The following BTBD9 variants were observed in gnomAD, a reference collection of about 807,000 sequenced individuals.
BTBD9 encodes BTB domain containing 9.
BTBD9 carries 49 observed loss-of-function variants against 64.3 expected under a neutral mutation model. That is an observed-to-expected ratio of 0.76 (90% confidence interval 0.61 to 0.97). The LOEUF (loss-of-function observed/expected upper bound fraction) is 0.97, where lower values mean the gene tolerates loss of function less well. Among genes scored for constraint, BTBD9 ranks in the 50% least tolerant of loss-of-function variants. The pLI is 0.00. For missense variants in BTBD9, 598 were observed against 762.1 expected (o/e 0.78, Z 2.53); for synonymous variants, 260 against 274.7 (o/e 0.95, Z 0.53).
At chr6:38,315,312 T>C (rs1429523476) in intron 7 of BTBD9, among the ~76,000 whole-genome samples, 1 of 152,236 alleles carries the variant, frequency 6.6e-6, no homozygotes, top group Non-Finnish European at 1.5e-5. Flanking sequence ...CTCTCTTTTC[T>C]TCTACGAACT....
chr6:38,549,568 G>A (rs1050495720), intron 6 of BTBD9, among the ~76,000 whole-genome samples: 1 of 151,870 alleles, frequency 6.6e-6, no homozygotes, highest in Non-Finnish European at 1.5e-5. Flanking sequence ...AATCCAAAAT[G>A]ACAGCTGTCA....
chr6:38,459,750 G>A (rs1769988167), intron 6 of BTBD9, among the ~76,000 whole-genome samples: 1 of 152,098 alleles, frequency 6.6e-6, no homozygotes, highest in Non-Finnish European at 1.5e-5. Flanking sequence ...TAAAAATTAT[G>A]TTCATAATTT....
intron 6 of BTBD9, among the ~76,000 whole-genome samples, chr6:38,493,384 G>A (rs1014642814): frequency 3.3e-5 from 5 of 152,274 alleles, no homozygotes; most frequent in African/African-American, 1.2e-4. Flanking sequence ...GATAGTGGAT[G>A]GCAACAATAT....
chr6:38,275,051 G>C (rs1765333105), intron 8 of BTBD9, among the ~76,000 whole-genome samples: 2 of 152,174 alleles, frequency 1.3e-5, no homozygotes, highest in African/African-American at 4.8e-5. Flanking sequence ...TCAATCCTAA[G>C]CCAAAAGAAC....
At chr6:38,421,023 C>T (rs1478404769) in intron 6 of BTBD9, among the ~76,000 whole-genome samples, 3 of 151,790 alleles carry the variant, frequency 2.0e-5, no homozygotes, top group Admixed American at 2.0e-4. Flanking sequence ...TTTTAAGATC[C>T]TTATTTTCTT....
At chr6:38,523,726 A>G (rs746406672) in intron 6 of BTBD9, among the ~76,000 whole-genome samples, 1 of 152,200 alleles carries the variant, frequency 6.6e-6, no homozygotes, top group Non-Finnish European at 1.5e-5. Context: ...TATCATTAGC[A>G]GGCACTTTAT....
chr6:38,409,694 C>T (rs1327506219), intron 6 of BTBD9, among the ~76,000 whole-genome samples: 2 of 151,684 alleles, frequency 1.3e-5, no homozygotes, highest in Non-Finnish European at 2.9e-5. Flanking sequence ...TATGGTGGTC[C>T]GTGCCTGTAG....
At chr6:38,318,277 C>T (rs552876239) in intron 7 of BTBD9, among the ~76,000 whole-genome samples, 13 of 152,276 alleles carry the variant, frequency 8.5e-5, no homozygotes, top group African/African-American at 9.6e-5. Context: ...TTATTTAATT[C>T]GTCTGGTGAG....
chr6:38,569,061 T>C (rs140433788), intron 6 of BTBD9, among the ~76,000 whole-genome samples: 59 of 152,328 alleles, frequency 3.9e-4, no homozygotes, highest in African/African-American at 1.3e-3. Context: ...AAAAAAGGTA[T>C]TCTTTGTAAG....
chr6:38,471,091 A>C (rs1188368981), intron 6 of BTBD9, among the ~76,000 whole-genome samples: 1 of 152,194 alleles, frequency 6.6e-6, no homozygotes, highest in Non-Finnish European at 1.5e-5. Context: ...CCATAGCATC[A>C]CTATTTTAGG....
chr6:38,490,385 A>G (rs1771652120), intron 6 of BTBD9, among the ~76,000 whole-genome samples: 1 of 152,112 alleles, frequency 6.6e-6, no homozygotes, highest in African/African-American at 2.4e-5. Flanking sequence ...CAGTGGCGCA[A>G]TCTCGGCTCA....
chr6:38,287,249 T>C (rs1761777403), intron 8 of BTBD9, among the ~76,000 whole-genome samples: 1 of 151,786 alleles, frequency 6.6e-6, no homozygotes, highest in African/African-American at 2.4e-5. Context: ...GAGCAACTTC[T>C]TGTCCTGCAA....
At chr6:38,608,651 T>C (rs1001086599) in intron 1 of BTBD9, among the ~76,000 whole-genome samples, 23 of 152,310 alleles carry the variant, frequency 1.5e-4, no homozygotes, top group African/African-American at 5.5e-4. Flanking sequence ...TATAAAAATG[T>C]TCTACTATGC....
intron 7 of BTBD9, among the ~76,000 whole-genome samples, chr6:38,337,446 T>A (rs1056722551): frequency 1.3e-5 from 2 of 152,238 alleles, no homozygotes; most frequent in African/African-American, 4.8e-5. Flanking sequence ...GAAACGGTAT[T>A]ATTGCTATGT....
Position 38,620,105 on chromosome 6 carries a change from C to G in BTBD9, c.-28+19695G>C, listed in dbSNP as rs998098913. On this transcript the variant is annotated intron_variant, in intron 1 of 10. Transcript: ENST00000481247. ...AAGGCCTGAAGCTCATGAAGGATTA[C>G]AGGATATTCTCAGATATTTAAAAGT... Among the ~76,000 whole-genome samples the G allele has an allele frequency of 1.2e-4, 19 of 152,298 alleles. 1 individual carries two copies. Among genetic ancestry groups the G allele is most frequent in the African/African-American group, 4.3e-4 (18 of 41,560 alleles).
intron 5 of BTBD9, 113 bp downstream of exon 5, chr6:38,580,105 G>A (rs956434014): frequency 4.2e-5 from 41 of 985,886 alleles, no homozygotes; most frequent in Non-Finnish European, 1.0e-5. Context: ...TCAAGAGATA[G>A]CAGAATGATC....
At chr6:38,425,462 A>C (rs1372344694) in intron 6 of BTBD9, among the ~76,000 whole-genome samples, 3 of 151,672 alleles carry the variant, frequency 2.0e-5, no homozygotes, top group Non-Finnish European at 2.9e-5. Flanking sequence ...CAGCACATTT[A>C]ATTTCTACCA....
intron 7 of BTBD9, among the ~76,000 whole-genome samples, chr6:38,331,238 G>C (rs576207752): frequency 6.6e-6 from 1 of 152,224 alleles, no homozygotes; most frequent in Admixed American, 6.5e-5. Flanking sequence ...CCAGCACTTC[G>C]GGAGACCGAG....
At chr6:38,288,485 G>T in intron 7 of BTBD9, 24 bp from the exon 8 acceptor site, 1 of 1,610,978 alleles carries the variant, frequency 6.2e-7, no homozygotes, top group South Asian at 1.1e-5. Context: ...AACAAGATTT[G>T]GCATCAGGAT....
Sources: gnomAD v4.1 joint callset for allele counts (sites outside exome capture counted in the v4.1 genomes callset) on GRCh38, gnomAD v4.1.1 for gene constraint, MANE v1.5 for transcripts, NCBI Gene and HGNC (gene_info 2026-07-23, HGNC 2026-07-21) for gene names.